Variants in THSD7A observed in about 807,000 individuals in gnomAD.
THSD7A encodes thrombospondin type 1 domain containing 7A.
Under a neutral mutation model 231.3 loss-of-function variants are expected in THSD7A, and 96 were observed. That is an observed-to-expected ratio of 0.41 (90% CI 0.35 to 0.49). The LOEUF (loss-of-function observed/expected upper bound fraction) is 0.49. THSD7A is among the 20% of genes least tolerant of loss of function. THSD7A has a pLI of 0.05. For missense variants in THSD7A, 2,290 were observed against 2,070.2 expected (o/e 1.11, Z -2.06); for synonymous variants, 940 against 743.3 (o/e 1.26, Z -4.30).
chr7:11,544,306 C>T (rs1020306301), intron 4 of THSD7A, among the ~76,000 whole-genome samples: 10 of 152,022 alleles, frequency 6.6e-5, no homozygotes, highest in African/African-American at 2.2e-4. Context: ...CATGCCACTG[C>T]ACTCCAGCCT....
intron 4 of THSD7A, among the ~76,000 whole-genome samples, chr7:11,571,501 A>G (rs1790628314): frequency 6.6e-6 from 1 of 152,174 alleles, no homozygotes; most frequent in South Asian, 2.1e-4. Flanking sequence ...TATATGGACT[A>G]TTTTAAATTT....
chr7:11,727,850 T>C (rs1194376322), intron 1 of THSD7A, among the ~76,000 whole-genome samples: 2 of 152,038 alleles, frequency 1.3e-5, no homozygotes, highest in Non-Finnish European at 2.9e-5. Flanking sequence ...CTTTACCTCA[T>C]TACTGTAAGA....
chr7:11,683,816 C>T (rs1783964751), intron 1 of THSD7A, among the ~76,000 whole-genome samples: 1 of 151,978 alleles, frequency 6.6e-6, no homozygotes, highest in Admixed American at 6.6e-5. Context: ...CAGTATCAAT[C>T]CTACTGAAAT....
intron 4 of THSD7A, among the ~76,000 whole-genome samples, chr7:11,585,618 A>T (rs527481391): frequency 6.6e-6 from 1 of 152,292 alleles, no homozygotes; most frequent in South Asian, 2.1e-4. Flanking sequence ...GCTTACATAC[A>T]CTTAAGAAAG....
intron 9 of THSD7A, among the ~76,000 whole-genome samples, 167 bp from the exon 10 acceptor site, chr7:11,462,310 T>C (rs1018286568): frequency 1.3e-5 from 2 of 152,218 alleles, no homozygotes; most frequent in Non-Finnish European, 2.9e-5. Context: ...AGACCATTTA[T>C]ATCAAAAACC....
chr7:11,620,348 T>C (rs1170673360), intron 2 of THSD7A, among the ~76,000 whole-genome samples: 1 of 152,226 alleles, frequency 6.6e-6, no homozygotes, highest in Non-Finnish European at 1.5e-5. Flanking sequence ...CAGTTACTTT[T>C]GTAGATAAAT....
At chr7:11,535,267 G>GT (rs896208156) in intron 6 of THSD7A, among the ~76,000 whole-genome samples, 27 of 152,038 alleles carry the variant, frequency 1.8e-4, no homozygotes, top group African/African-American at 6.3e-4. Context: ...AACTCTGACG[G>GT]TTTTTTCTAA....
intron 1 of THSD7A, among the ~76,000 whole-genome samples, chr7:11,792,878 GTGTCAGTAAAATTT>G (rs1784003054): frequency 6.6e-6 from 1 of 151,984 alleles, no homozygotes; most frequent in Non-Finnish European, 1.5e-5. Flanking sequence ...ATGAAGTTAT[GTGTCAGTAAAATTT>G]CATTTGCACA....
chr7:11,614,640 T>A (rs1235472837), intron 2 of THSD7A, among the ~76,000 whole-genome samples: 5 of 152,242 alleles, frequency 3.3e-5, no homozygotes, highest in Non-Finnish European at 7.3e-5. Flanking sequence ...GAATTATGTT[T>A]TATCACAACT....
At chr7:11,423,669 C>T (rs945976019) in intron 16 of THSD7A, among the ~76,000 whole-genome samples, 1 of 151,996 alleles carries the variant, frequency 6.6e-6, no homozygotes, top group Non-Finnish European at 1.5e-5. Flanking sequence ...TCCTGGGTGC[C>T]ACTGAGAAGG....
chr7:11,593,292 G>A lies in THSD7A; in HGVS notation c.1233C>T (p.Pro411=), dbSNP rs754563762. Residue 411 remains proline, a synonymous_variant, in exon 3 of 28, where the codon CCC becomes CCT. Transcript: ENST00000423059. ...CAACTCCATCTCCTTGAGACAAACA[G>A]GGTTCTTTTTCTTCAAATTCTGGAC... is the stretch of plus-strand genomic sequence containing the variant. The part of the protein sequence containing the change: ...KECPEFEEKE[P]CLSQGDGVVP... 8 of 1,613,956 alleles carry A rather than the reference G, an allele frequency of 5.0e-6. No individual in the cohort carries two copies. The highest frequency in any genetic ancestry group is 1.6e-4 in the Middle Eastern group (1 of 6,062).
chr7:11,640,028 C>G (rs926290200), intron 1 of THSD7A, among the ~76,000 whole-genome samples: 10 of 152,158 alleles, frequency 6.6e-5, no homozygotes, highest in African/African-American at 2.4e-4. Context: ...CATTTACTGA[C>G]ATCAAATTAT....
At chr7:11,612,722 G>A (rs1042564356) in intron 2 of THSD7A, among the ~76,000 whole-genome samples, 5 of 152,152 alleles carry the variant, frequency 3.3e-5, no homozygotes, top group Non-Finnish European at 5.9e-5. Context: ...AGCAGTGTAT[G>A]AGTCTCATTT....
chr7:11,507,696 A>T (rs1489523162), intron 6 of THSD7A, among the ~76,000 whole-genome samples: 1 of 152,090 alleles, frequency 6.6e-6, no homozygotes, highest in Non-Finnish European at 1.5e-5. Context: ...ATAATGAGTA[A>T]ATATTCTGAA....
chr7:11,777,413 GTACACACACACA>G (rs1450381009), intron 1 of THSD7A, among the ~76,000 whole-genome samples: 1 of 100,670 alleles, frequency 9.9e-6, no homozygotes, highest in African/African-American at 4.2e-5. Context: ...TGTAAATTAA[GTACACACACACA>G]CACACACACA....
At chr7:11,652,068 A>C (rs1051379099) in intron 1 of THSD7A, among the ~76,000 whole-genome samples, 1 of 151,970 alleles carries the variant, frequency 6.6e-6, no homozygotes, top group African/African-American at 2.4e-5. Flanking sequence ...ATTTTTGCCC[A>C]TACTCTGGTT....
intron 6 of THSD7A, among the ~76,000 whole-genome samples, chr7:11,516,480 A>G (rs1788034898): frequency 6.6e-6 from 1 of 152,186 alleles, no homozygotes; most frequent in Non-Finnish European, 1.5e-5. Flanking sequence ...ATAGTGCCTC[A>G]TCCCCATCTT....
chr7:11,680,945 C>T (rs192059709), intron 1 of THSD7A, among the ~76,000 whole-genome samples: 232 of 152,220 alleles, frequency 1.5e-3, no homozygotes, highest in Admixed American at 2.7e-3. Context: ...AGACTTGGAA[C>T]GAACCCAAAT....
intron 11 of THSD7A, among the ~76,000 whole-genome samples, chr7:11,459,735 GT>G (rs1403160884): frequency 2.2e-5 from 1 of 45,334 alleles, no homozygotes; most frequent in African/African-American, 6.0e-5. Context: ...TAAAAAGGCA[GT>G]TTTTTTTCAC....
Sources: allele counts gnomAD v4.1 joint callset (sites outside exome capture counted in the v4.1 genomes callset), GRCh38; gene constraint gnomAD v4.1.1; transcripts MANE v1.5; gene names NCBI Gene and HGNC (gene_info 2026-07-23, HGNC 2026-07-21).